GALNTL6: variants seen among roughly 807,000 people sequenced by gnomAD.
GALNTL6 encodes polypeptide N-acetylgalactosaminyltransferase like 6, also known as polypeptide N-acetylgalactosaminyltransferase-like 6.
Under a neutral mutation model 73.7 loss-of-function variants are expected in GALNTL6, and 46 were observed. That is an observed-to-expected ratio of 0.62 (90% CI 0.49 to 0.80). The LOEUF is 0.80. GALNTL6 is among the 30% of genes least tolerant of loss of function. The pLI is 0.00. For missense variants in GALNTL6, 604 were observed against 755.0 expected, an observed-to-expected ratio of 0.80 and a Z score of 2.34; for synonymous variants, 259 against 263.7, an observed-to-expected ratio of 0.98 and a Z score of 0.17.
rs1450015829 is a variant in GALNTL6 at position 172,348,587 on chromosome 4, G to A, written c.451G>A (p.Glu151Lys). ...CAGCATCATTATCCCATTTCATAAT[G>A]AAGGTTGGACTTCACTCCTGCGGAC... ...NTSIIIPFHN[E>K]GWTSLLRTIH... Residue 151 changes from glutamate (E) to lysine (K), a missense_variant, in exon 5 of 13, where the codon GAA becomes AAA. Around this residue, in one of 5 missense-constraint regions of GALNTL6, gnomAD observed 9 missense variants for 30.3 expected, o/e 0.30. Transcript: ENST00000506823. 6.2e-7 allele frequency: 1 copy of A among 1,612,942 alleles called. No homozygotes were observed. The highest frequency in any genetic ancestry group is 8.5e-7 in the Non-Finnish European group (1 of 1,179,214).
intron 2 of GALNTL6, among the ~76,000 whole-genome samples, chr4:171,962,855 A>G (rs1579011007): frequency 7.7e-6 from 1 of 130,396 alleles, no homozygotes; most frequent in African/African-American, 2.9e-5. Flanking sequence ...CAACCTTGAA[A>G]CCTCCGGGTT....
At chr4:172,237,804 A>G (rs1312468989) in intron 3 of GALNTL6, among the ~76,000 whole-genome samples, 2 of 152,110 alleles carry the variant, frequency 1.3e-5, no homozygotes, top group Non-Finnish European at 2.9e-5. Flanking sequence ...TCTTCTGTAT[A>G]TGACTAGCCA....
chr4:172,229,714 G>A lies in GALNTL6; in HGVS notation c.197G>A (p.Arg66Lys). 6.2e-7 allele frequency: 1 copy of A among 1,614,010 alleles called. No individual in the cohort carries two copies. The highest frequency in any genetic ancestry group is 8.5e-7 in the Non-Finnish European group (1 of 1,179,904). The change falls in exon 3 of 13, where the codon AGA becomes AAA. Residue 66 changes from arginine to lysine, a missense_variant. By Grantham distance (26) the Arg-to-Lys change is conservative. Coordinates refer to ENST00000506823, the MANE Select transcript of GALNTL6 (RefSeq NM_001034845.3). ...QFYSWTDGLR[R>K]KDWHDYESIQ... Reference sequence around the variant, plus strand: ...TATTCATGGACAGATGGTTTGAGAAGAAAGGACTGGCATGACTATGAAAGC... The same window carrying A: ...TATTCATGGACAGATGGTTTGAGAAAAAAGGACTGGCATGACTATGAAAGC...
intron 9 of GALNTL6, among the ~76,000 whole-genome samples, chr4:172,946,228 G>A (rs945232376): frequency 2.0e-5 from 3 of 151,964 alleles, no homozygotes; most frequent in African/African-American, 7.3e-5. Context: ...TTTGAGAAGC[G>A]GGATCTTGCC....
At chr4:172,370,914 G>A (rs913311640) in intron 5 of GALNTL6, among the ~76,000 whole-genome samples, 1 of 152,134 alleles carries the variant, frequency 6.6e-6, no homozygotes, top group Non-Finnish European at 1.5e-5. Context: ...GAGAGTGTGT[G>A]GTAGTAGGAT....
In GALNTL6 at chr4:172,208,325, C is replaced by A. The variant is rs1424376618; in HGVS notation, c.139-21331C>A. ...AATATGAAGTCAGACAATTATATAG[C>A]AGAATTAGAATTATTGGAATGCAAA... On this transcript the variant is annotated intron_variant, in intron 2 of 12. Coordinates refer to ENST00000506823, the MANE Select transcript of GALNTL6 (RefSeq NM_001034845.3). Among the ~76,000 whole-genome samples the A allele has an allele frequency of 3.9e-5, 6 of 152,024 alleles. No individual in the cohort carries two copies. The East Asian group carries it at 1.2e-3, about 29-fold the overall frequency.
At chr4:171,925,308 A>G (rs1737942481) in intron 2 of GALNTL6, among the ~76,000 whole-genome samples, 2 of 152,096 alleles carry the variant, frequency 1.3e-5, no homozygotes, top group Non-Finnish European at 2.9e-5. Context: ...AAAATATGAA[A>G]AGGGATTCTT....
At chr4:172,798,424 A>G (rs904022329) in intron 5 of GALNTL6, among the ~76,000 whole-genome samples, 11 of 151,936 alleles carry the variant, frequency 7.2e-5, no homozygotes, top group African/African-American at 2.4e-4. Context: ...AGTGTGTAGC[A>G]CCTTCCACCT....
intron 2 of GALNTL6, among the ~76,000 whole-genome samples, chr4:171,829,420 T>G (rs473405): frequency 0.99 from 150,100 of 152,178 alleles, 74,059 homozygotes; most frequent in Middle Eastern, 1. Flanking sequence ...TAAAAGCTTG[T>G]TTTCTTTGAT....
intron 5 of GALNTL6, among the ~76,000 whole-genome samples, chr4:172,701,174 G>A (rs1271825479): frequency 6.6e-6 from 1 of 152,064 alleles, no homozygotes; most frequent in Non-Finnish European, 1.5e-5. Flanking sequence ...TAGATAAATT[G>A]ATTTTTCAGT....
intron 5 of GALNTL6, among the ~76,000 whole-genome samples, chr4:172,497,277 A>G (rs751097788): frequency 1.3e-5 from 2 of 152,248 alleles, no homozygotes; most frequent in Non-Finnish European, 2.9e-5. Context: ...TGGTTCGATT[A>G]TAAGTTTCTG....
At chr4:172,669,136 C>G (rs1433320271) in intron 5 of GALNTL6, 3 of 152,190 alleles carry the variant, frequency 2.0e-5, no homozygotes, top group African/African-American at 7.2e-5. Context: ...ACTCCATTAG[C>G]ACCCAGCTAT....
chr4:172,450,518 G>T (rs947264141), intron 5 of GALNTL6, among the ~76,000 whole-genome samples: 2 of 152,086 alleles, frequency 1.3e-5, no homozygotes, highest in African/African-American at 4.8e-5. Context: ...TTAGTTCAAC[G>T]TACAGAATCC....
At chr4:172,757,237 T>A (rs997483994) in intron 5 of GALNTL6, among the ~76,000 whole-genome samples, 1 of 152,232 alleles carries the variant, frequency 6.6e-6, no homozygotes, top group Non-Finnish European at 1.5e-5. Flanking sequence ...AGCTACATTT[T>A]CCTGGGTCTT....
At chr4:172,023,788 T>A (rs968647195) in intron 2 of GALNTL6, among the ~76,000 whole-genome samples, 1 of 151,846 alleles carries the variant, frequency 6.6e-6, no homozygotes, top group African/African-American at 2.4e-5. Flanking sequence ...TCCTACCCTA[T>A]CTCCTTTGGA....
chr4:172,900,200 C>A (rs1159696792), intron 8 of GALNTL6, among the ~76,000 whole-genome samples: 1 of 152,150 alleles, frequency 6.6e-6, no homozygotes, highest in African/African-American at 2.4e-5. Context: ...AGTTTAAAAT[C>A]ATAACTTTAA....
chr4:172,731,454 TC>T (rs1329394532), intron 5 of GALNTL6, among the ~76,000 whole-genome samples: 2 of 152,118 alleles, frequency 1.3e-5, no homozygotes, highest in Non-Finnish European at 1.5e-5. Flanking sequence ...TTATTCTTAG[TC>T]TAGCTAAAGG....
chr4:172,053,276 G>GT (rs201744095), intron 2 of GALNTL6, among the ~76,000 whole-genome samples: 13 of 152,082 alleles, frequency 8.5e-5, no homozygotes, highest in African/African-American at 1.7e-4. Context: ...CAGACATGGT[G>GT]TTTTTTTAAA....
intron 5 of GALNTL6, among the ~76,000 whole-genome samples, chr4:172,489,415 C>T (rs568696026): frequency 2.6e-5 from 4 of 152,244 alleles, no homozygotes; most frequent in East Asian, 1.9e-4. Flanking sequence ...AATTGATTTA[C>T]GCATGTGTAT....
Sources: gnomAD v4.1 joint callset for allele counts (sites outside exome capture counted in the v4.1 genomes callset) on GRCh38, gnomAD v4.1.1 for gene constraint, gnomAD v4.1.1 regional missense constraint, MANE v1.5 for transcripts, NCBI Gene and HGNC (gene_info 2026-07-23, HGNC 2026-07-21) for gene names.